TMEM74: variants seen among roughly 807,000 people sequenced by gnomAD.
TMEM74 encodes the protein transmembrane protein 74.
TMEM74 carries 13 observed loss-of-function variants against 18.1 expected under a neutral mutation model. That is an observed-to-expected ratio of 0.72 (90% CI 0.47 to 1.14). The LOEUF is 1.14. TMEM74 is among the 50% of genes most tolerant of loss of function. The pLI is 0.00. For synonymous variants in TMEM74, 159 were observed against 146.6 expected, an observed-to-expected ratio of 1.08 and a Z score of -0.61; for missense variants, 372 against 375.9, an observed-to-expected ratio of 0.99 and a Z score of 0.09.
chr8:108,726,500 G>C (rs918480405), intron 1 of TMEM74, among the ~76,000 whole-genome samples: 6 of 152,180 alleles, frequency 3.9e-5, no homozygotes, highest in African/African-American at 1.4e-4. Context: ...ATTGTGGAAT[G>C]CCAGTTTTAT....
exon 4 of TMEM74, chr8:108,607,101 G>T (rs1812281163): frequency 6.6e-6 from 1 of 152,122 alleles, no homozygotes; most frequent in South Asian, 2.1e-4. Context: ...TAATCTTGGG[G>T]TAATCACATT....
In TMEM74 at chr8:108,658,320, A is replaced by G. The variant is rs115921572; in HGVS notation, n.120-2883T>C. Among the ~76,000 whole-genome samples the G allele has an allele frequency of 3.9e-3, 589 of 152,208 alleles. 4 individuals are homozygous for G. The highest frequency in any genetic ancestry group is 0.014 in the African/African-American group (571 of 41,546). On this transcript the variant is annotated intron_variant and non_coding_transcript_variant, in intron 1 of 3. Transcript: ENST00000518838. ...TAGGAATGGGGTACCTAAAATAATCAGGAACATTGGCATATACACAGGATT... is the reference window on the plus strand; with the variant it reads ...TAGGAATGGGGTACCTAAAATAATCGGGAACATTGGCATATACACAGGATT...
chr8:108,680,524 A>T (rs1305417454), intron 1 of TMEM74, among the ~76,000 whole-genome samples: 1 of 152,212 alleles, frequency 6.6e-6, no homozygotes, highest in Non-Finnish European at 1.5e-5. Flanking sequence ...TCTCAAAATA[A>T]TAAGAGCTAT....
At chr8:108,643,038 A>G (rs901044493) in intron 2 of TMEM74, among the ~76,000 whole-genome samples, 1 of 152,226 alleles carries the variant, frequency 6.6e-6, no homozygotes, top group Non-Finnish European at 1.5e-5. Flanking sequence ...CAATGGGAAT[A>G]TAACAATGTA....
chr8:108,644,326 A>C (rs1180002394), intron 2 of TMEM74, among the ~76,000 whole-genome samples: 1 of 152,200 alleles, frequency 6.6e-6, no homozygotes, highest in Non-Finnish European at 1.5e-5. Context: ...TAAGACCTCT[A>C]CTTTTTACCA....
rs565507179 is a variant in TMEM74 at position 108,755,080 on chromosome 8, C to T, written n.119+32396G>A. 5.9e-5 allele frequency among the ~76,000 whole-genome samples: 9 copies of T among 152,172 alleles called. No individual in the cohort carries two copies. In the East Asian group the frequency reaches 1.6e-3, roughly 26 times the overall value. On this transcript the variant is annotated intron_variant and non_coding_transcript_variant, in intron 1 of 3. Coordinates refer to the TMEM74 transcript ENST00000518838. ...AATGTTTAGCCAAAATATCTGGGCTCCCTGTGATCCAGTTAAGTTGACACA... is the reference window on the plus strand; with the variant it reads ...AATGTTTAGCCAAAATATCTGGGCTTCCTGTGATCCAGTTAAGTTGACACA...
At chr8:108,685,670 G>A (rs942449475) in intron 1 of TMEM74, among the ~76,000 whole-genome samples, 13 of 151,968 alleles carry the variant, frequency 8.6e-5, no homozygotes, top group Admixed American at 3.9e-4. Flanking sequence ...ATGCAATGAG[G>A]CAAAAAGAAA....
chr8:108,674,894 G>A (rs1365517412), intron 1 of TMEM74, among the ~76,000 whole-genome samples: 4 of 152,152 alleles, frequency 2.6e-5, no homozygotes, highest in African/African-American at 9.7e-5. Flanking sequence ...CCTGACCCAT[G>A]TCACTCAAAT....
At chr8:108,720,338 G>A (rs1813573633) in intron 1 of TMEM74, among the ~76,000 whole-genome samples, 1 of 152,196 alleles carries the variant, frequency 6.6e-6, no homozygotes. Context: ...TGTGAGCACA[G>A]CAATGAGAAC....
chr8:108,663,185 T>G (rs1812917571), intron 1 of TMEM74, among the ~76,000 whole-genome samples: 1 of 152,030 alleles, frequency 6.6e-6, no homozygotes, highest in African/African-American at 2.4e-5. Flanking sequence ...TTTTTTTCCA[T>G]CTATCTATCT....
intron 2 of TMEM74, among the ~76,000 whole-genome samples, chr8:108,611,503 G>T (rs1453585012): frequency 6.6e-6 from 1 of 152,108 alleles, no homozygotes; most frequent in East Asian, 1.9e-4. Context: ...TAGTTTTCTA[G>T]GATACAGTTG....
chr8:108,706,778 T>G (rs1031235140), intron 1 of TMEM74, among the ~76,000 whole-genome samples: 12 of 142,836 alleles, frequency 8.4e-5, no homozygotes, highest in South Asian at 2.2e-4. Flanking sequence ...TTACAAGGGG[T>G]GTGTGTGTGT....
intron 1 of TMEM74, among the ~76,000 whole-genome samples, chr8:108,773,765 C>T (rs1003311620): frequency 6.6e-6 from 1 of 152,164 alleles, no homozygotes; most frequent in Non-Finnish European, 1.5e-5. Flanking sequence ...CCAGCACAAA[C>T]TTGTCAGCCA....
At chr8:108,672,981 T>C (rs1027523899) in intron 1 of TMEM74, among the ~76,000 whole-genome samples, 2 of 152,192 alleles carry the variant, frequency 1.3e-5, no homozygotes, top group Non-Finnish European at 2.9e-5. Context: ...CAGATAGTTT[T>C]GACATGAAGA....
chr8:108,612,914 C>T (rs1812347281), intron 2 of TMEM74, among the ~76,000 whole-genome samples: 1 of 152,090 alleles, frequency 6.6e-6, no homozygotes, highest in African/African-American at 2.4e-5. Flanking sequence ...AATAAAAAGT[C>T]CAGTCTTCTG....
intron 1 of TMEM74, among the ~76,000 whole-genome samples, chr8:108,661,794 G>T (rs1812902392): frequency 6.6e-6 from 1 of 152,046 alleles, no homozygotes; most frequent in Non-Finnish European, 1.5e-5. Context: ...AAGAAGAATG[G>T]GAATTAGCCA....
intron 1 of TMEM74, among the ~76,000 whole-genome samples, chr8:108,730,634 CTTTTT>C (rs1199122765): frequency 7.6e-6 from 1 of 132,166 alleles, no homozygotes; most frequent in East Asian, 2.1e-4. Context: ...TGCAGACTTC[CTTTTT>C]TTTTTTTTTT....
intron 1 of TMEM74, among the ~76,000 whole-genome samples, chr8:108,767,663 A>C (rs992971564): frequency 6.6e-6 from 1 of 151,860 alleles, no homozygotes; most frequent in East Asian, 1.9e-4. Flanking sequence ...AATATTCTTC[A>C]CCCCTTCTTA....
At position 108,609,734 on chromosome 8, in the gene TMEM74, G is replaced by T. The variant is rs141682442; in HGVS notation, n.265-908C>A. On this transcript the variant is annotated intron_variant and non_coding_transcript_variant, in intron 2 of 3. Coordinates refer to the TMEM74 transcript ENST00000518838. The stretch of plus-strand genomic sequence containing the variant: ...AACAAACAGACTTGAAAGTAATTTA[G>T]TTCCTAAACCCTATTTAGTAAAAAG... Among the ~76,000 whole-genome samples, 988 of 152,302 alleles carry T rather than the reference G, an allele frequency of 6.5e-3. 7 individuals are homozygous for T. Among genetic ancestry groups the T allele is most frequent in the Middle Eastern group, 0.014 (4 of 294 alleles).
Sources: gnomAD v4.1 joint callset for allele counts (sites outside exome capture counted in the v4.1 genomes callset) on GRCh38, gnomAD v4.1.1 for gene constraint, MANE v1.5 for transcripts, NCBI Gene and HGNC (gene_info 2026-07-23, HGNC 2026-07-21) for gene names.